The following COL6A2 variants were observed in gnomAD, a reference collection of about 807,000 sequenced individuals.
COL6A2 encodes the protein collagen type VI alpha 2 chain, also known as collagen alpha-2(VI) chain.
Under a neutral mutation model 124.9 loss-of-function variants are expected in COL6A2, and 90 were observed. The observed-to-expected ratio is 0.72, with a 90% confidence interval of 0.61 to 0.86. The LOEUF (loss-of-function observed/expected upper bound fraction) is 0.86. COL6A2 is among the 40% of genes least tolerant of loss of function. The pLI is 0.00. For missense variants in COL6A2, 1,607 were observed against 1,502.5 expected, an observed-to-expected ratio of 1.07 and a Z score of -1.15; for synonymous variants, 793 against 618.2, an observed-to-expected ratio of 1.28 and a Z score of -4.19.
At chr21:46,124,833 TCAGCCACC>T (rs1478630869) in intron 22 of COL6A2, 44 bp from the exon 23 acceptor site, 1 of 1,610,356 alleles carries the variant, frequency 6.2e-7, no homozygotes, top group Non-Finnish European at 8.5e-7. Flanking sequence ...TGGGAGAGAC[TCAGCCACC>T]CAGCCTTGGC....
At chr21:46,126,481 C>CGGCCT (rs2078670915) in intron 26 of COL6A2, 22 bp from the exon 27 acceptor site, 1 of 1,612,896 alleles carries the variant, frequency 6.2e-7, no homozygotes, top group African/African-American at 1.3e-5. Flanking sequence ...TGGCCTGGCC[C>CGGCCT]GGCCTCTCTC....
Position 46,116,122 on chromosome 21 carries a change from G to T in COL6A2, c.900+69G>T. 2 of 1,495,132 alleles carry T rather than the reference G, an allele frequency of 1.3e-6. No homozygotes were observed. Among genetic ancestry groups the T allele is most frequent in the Non-Finnish European group, 1.8e-6 (2 of 1,097,102 alleles). 92.6% of individuals were successfully genotyped at this position (1,495,132 alleles called of 1,614,324 possible). ...AGCACTGCCAGGCAGGCTCCCCCCA[G>T]CCCAGCCTCGGCCTCAGCCTCTACG... On this transcript the variant is annotated intron_variant, in intron 7 of 27. Coordinates refer to ENST00000300527, the MANE Select transcript of COL6A2 (RefSeq NM_001849.4). The surrounding 1 kb of genome is among the most constrained non-coding windows in gnomAD (Gnocchi z 4.6).
rs748283415 is a variant in COL6A2, at chr21:46,125,476, C to T, written c.1828C>T (p.Arg610Cys). 1.1e-5 allele frequency: 17 copies of T among 1,611,042 alleles called. No homozygotes were observed. The highest frequency in any genetic ancestry group is 6.7e-5 in the African/African-American group (5 of 74,910). The change falls in exon 25 of 28, where the codon CGC becomes TGC. Residue 610 changes from arginine (R) to cysteine (C), a missense_variant. By Grantham distance (180) the Arg-to-Cys change is radical. This residue lies in a region of COL6A2 where 1,223 missense variants were observed against 1,052.2 expected (regional missense o/e 1.16). Coordinates refer to ENST00000300527, the MANE Select transcript of COL6A2 (RefSeq NM_001849.4). ...TGCCACCCCCCCAGACTGTGAGAAG[C>T]GCTGTGGCGCCCTGGACGTGGTCTT... is the stretch of plus-strand genomic sequence containing the variant. ...ETCGCCDCEK[R>C]CGALDVVFVI...
intron 1 of COL6A2, among the ~76,000 whole-genome samples, chr21:46,105,969 A>G (rs934324392): frequency 5.9e-5 from 9 of 152,232 alleles, no homozygotes; most frequent in Non-Finnish European, 1.3e-4. Context: ...AAATCCAACT[A>G]TATGCTCTCT....
At chr21:46,106,151 A>G (rs192299393) in intron 1 of COL6A2, among the ~76,000 whole-genome samples, 1 of 152,256 alleles carries the variant, frequency 6.6e-6, no homozygotes, top group Non-Finnish European at 1.5e-5. Context: ...GACATCATAT[A>G]TTAATAAAAG....
chr21:46,106,486 T>C (rs1601207370), intron 1 of COL6A2, among the ~76,000 whole-genome samples: 1 of 152,226 alleles, frequency 6.6e-6, no homozygotes, highest in Admixed American at 6.5e-5. Context: ...ATTGTGAATG[T>C]TGAATGAAGG....
rs79993330 is a variant in COL6A2 at position 46,110,476 on chromosome 21, A to G, written c.-27-974A>G. 4.0e-3 allele frequency among the ~76,000 whole-genome samples: 602 copies of G among 152,270 alleles called. 5 individuals are homozygous for G. Among genetic ancestry groups the G allele is most frequent in the African/African-American group, 0.013 (553 of 41,538 alleles). ...CTTGAAGCTGTGAAACTCACCCACA[A>G]ACTGCCTGAGCTGGCACCTTTGGGA... On this transcript the variant is annotated intron_variant, in intron 1 of 27. Coordinates refer to ENST00000300527, the MANE Select transcript of COL6A2 (RefSeq NM_001849.4).
chr21:46,111,476 G>A lies in COL6A2; in HGVS notation c.-1G>A, dbSNP rs2078397101. On this transcript the variant is annotated 5_prime_UTR_variant, in exon 2 of 28. Coordinates refer to ENST00000300527, the MANE Select transcript of COL6A2 (RefSeq NM_001849.4). The stretch of plus-strand genomic sequence containing the variant: ...ACTTCAGGGCCACAGGTGCTGCCAA[G>A]ATGCTCCAGGGCACCTGCTCCGTGC... 1 of 1,610,432 alleles carries A rather than the reference G, an allele frequency of 6.2e-7. No individual in the cohort carries two copies. The highest frequency in any genetic ancestry group is 1.3e-5 in the African/African-American group (1 of 74,866).
At chr21:46,129,749 G>A (rs1336299158) in intron 27 of COL6A2, 16 of 1,353,966 alleles carry the variant, frequency 1.2e-5, no homozygotes, top group Non-Finnish European at 1.5e-5. Flanking sequence ...CCTGGTCATT[G>A]AATTTAAGGC....
intron 2 of COL6A2, 74 bp from the exon 3 acceptor site, chr21:46,111,905 C>T (rs2078403932): frequency 2.0e-6 from 3 of 1,483,032 alleles, no homozygotes; most frequent in Non-Finnish European, 2.8e-6. Context: ...CACAAACAGG[C>T]ACGGGGCCAG....
intron 1 of COL6A2, among the ~76,000 whole-genome samples, chr21:46,101,000 T>C (rs1013057546): frequency 6.6e-6 from 1 of 152,186 alleles, no homozygotes. Context: ...CTGCACCATT[T>C]TGCTTTCCTG....
In COL6A2 at chr21:46,126,221, G is replaced by A. The variant is rs2078665250; in HGVS notation, c.2406G>A (p.Glu802=). The A allele has an allele frequency of 1.9e-6, 3 of 1,600,016 alleles. No homozygotes were observed. Among genetic ancestry groups the A allele is most frequent in the Non-Finnish European group, 2.5e-6 (3 of 1,179,172 alleles). The change falls in exon 26 of 28, where the codon GAG becomes GAA. Residue 802 remains glutamate (E), a synonymous_variant. Transcript: ENST00000300527. ...CTGAGAAGTTCATCGATGACATGGA[G>A]GACGTCCTCTGCCCGGGTGAGCGTG... ...LVAEKFIDDM[E]DVLCPDPQIV...
rs551070760 is a variant in COL6A2, at chr21:46,118,921, G to A, written c.1180-109G>A. 28 of 1,027,968 alleles carry A rather than the reference G, an allele frequency of 2.7e-5. No individual in the cohort carries two copies. In the African/African-American group the frequency reaches 3.4e-4, roughly 13 times the overall value. 63.7% of individuals were successfully genotyped at this position (1,027,968 alleles called of 1,614,324 possible). A position where few individuals can be genotyped will look rare whatever the true frequency, so the allele number is the denominator to read the frequency against. ...TGCAGGGCCCCCATGTGCCTGGCAAGCAGATTCCGCTGGAAGATAATAGGG... is the reference window on the plus strand; with the variant it reads ...TGCAGGGCCCCCATGTGCCTGGCAAACAGATTCCGCTGGAAGATAATAGGG... On this transcript the variant is annotated intron_variant, in intron 13 of 27. Coordinates refer to ENST00000300527, the MANE Select transcript of COL6A2 (RefSeq NM_001849.4).
At chr21:46,117,624 ACT>A in intron 11 of COL6A2, 171 bp downstream of exon 11, 1 of 789,388 alleles carries the variant, frequency 1.3e-6, no homozygotes. Flanking sequence ...CATGTGAGGA[ACT>A]CCCCCTGGGA....
At chr21:46,114,606 G>A (rs1354486239) in intron 5 of COL6A2, among the ~76,000 whole-genome samples, 3 of 152,168 alleles carry the variant, frequency 2.0e-5, no homozygotes, top group Non-Finnish European at 4.4e-5. Context: ...TGGTAAGCAA[G>A]CATATTCAAG....
chr21:46,132,089 C>G lies in COL6A2; in HGVS notation c.2597C>G (p.Ala866Gly). 1.3e-6 allele frequency: 2 copies of G among 1,598,210 alleles called. No individual in the cohort carries two copies. Among genetic ancestry groups the G allele is most frequent in the Non-Finnish European group, 8.5e-7 (1 of 1,175,090 alleles). ...CAGGTGGCGCGGCGGCTGACGCTGGCCCGGAGGGACGACGACCCTCTCAAC... is the reference window on the plus strand; with the variant it reads ...CAGGTGGCGCGGCGGCTGACGCTGGGCCGGAGGGACGACGACCCTCTCAAC... ...VEQVARRLTL[A>G]RRDDDPLNAR... Residue 866 changes from alanine (A) to glycine (G), a missense_variant, in exon 28 of 28, where the codon GCC becomes GGC. Ala to Gly is a moderately conservative substitution (Grantham distance 60). Transcript: ENST00000300527.
In COL6A2 at chr21:46,126,833, G is replaced by A. The variant is rs572590777; in HGVS notation, c.2461+292G>A. 2.0e-3 allele frequency among the ~76,000 whole-genome samples: 297 copies of A among 152,292 alleles called. 1 individual carries two copies. The highest frequency in any genetic ancestry group is 0.011 in the South Asian group (51 of 4,826). On this transcript the variant is annotated intron_variant, in intron 27 of 27. Coordinates refer to ENST00000300527, the MANE Select transcript of COL6A2 (RefSeq NM_001849.4). ...GCCACTGGTCTTGAAGGCCCACCAT[G>A]GGCCTTGCAGTCTCCCTCAGCTGCC...
At chr21:46,099,901 T>G (rs1185859208) in intron 1 of COL6A2, among the ~76,000 whole-genome samples, 3 of 146,976 alleles carry the variant, frequency 2.0e-5, no homozygotes, top group Non-Finnish European at 3.0e-5. Flanking sequence ...TTTTTTTTTT[T>G]TTTTTTTTTT....
chr21:46,114,101 C>T, intron 5 of COL6A2, 28 bp downstream of exon 5: 1 of 1,587,380 alleles, frequency 6.3e-7, no homozygotes, highest in Non-Finnish European at 8.6e-7. Flanking sequence ...CCTGCAGGGT[C>T]TGCGCTACCA....
Sources: allele counts gnomAD v4.1 joint callset (sites outside exome capture counted in the v4.1 genomes callset), GRCh38; gene constraint gnomAD v4.1.1; regional missense constraint gnomAD v4.1.1; non-coding constraint Gnocchi (gnomAD v3.1); transcripts MANE v1.5; gene names NCBI Gene and HGNC (gene_info 2026-07-23, HGNC 2026-07-21).